Variants in PDE9A observed in about 807,000 individuals in gnomAD.
PDE9A encodes phosphodiesterase 9A.
Under a neutral mutation model 87.4 loss-of-function variants are expected in PDE9A, and 60 were observed. The observed-to-expected ratio is 0.69, with a 90% CI of 0.56 to 0.85. The LOEUF (loss-of-function observed/expected upper bound fraction) is 0.85, where lower values mean the gene tolerates loss of function less well. Among genes scored for constraint, PDE9A ranks in the 40% least tolerant of loss-of-function variants. PDE9A has a pLI of 0.00. For synonymous variants in PDE9A, 272 were observed against 279.4 expected (o/e 0.97, Z 0.27); for missense variants, 665 against 779.0 (o/e 0.85, Z 1.74).
At chr21:42,697,017 A>C (rs1405422490) in intron 3 of PDE9A, among the ~76,000 whole-genome samples, 1 of 152,184 alleles carries the variant, frequency 6.6e-6, no homozygotes, top group Non-Finnish European at 1.5e-5. Flanking sequence ...AGGCCTTTTG[A>C]GGCAGGGCCT....
chr21:42,665,957 A>T lies in PDE9A; in HGVS notation c.69+12074A>T, dbSNP rs571552621. On this transcript the variant is annotated intron_variant, in intron 1 of 19. Coordinates refer to ENST00000291539, the MANE Select transcript of PDE9A (RefSeq NM_002606.3). ...GAGGCCCCGTTGAAGTCAGTTGGGG[A>T]GGCAGTGTGGACCGTGAGAAGGGAG... Among the ~76,000 whole-genome samples the T allele has an allele frequency of 2.6e-5, 4 of 152,272 alleles. No homozygotes were observed. The South Asian group carries it at 8.3e-4, about 32-fold the overall frequency.
chr21:42,679,083 C>T (rs974492760), intron 1 of PDE9A, among the ~76,000 whole-genome samples: 2 of 152,220 alleles, frequency 1.3e-5, no homozygotes, highest in African/African-American at 4.8e-5. Context: ...CCCCAGAGAT[C>T]CAGGTCACGA....
chr21:42,673,394 G>A lies in PDE9A; in HGVS notation c.70-12798G>A, dbSNP rs371504904. On this transcript the variant is annotated intron_variant, in intron 1 of 19. Transcript: ENST00000291539. ...GGAACAGAGCCAGCTAGGAGCATTC[G>A]GTAGCAGAGGTCAGTCCGCTGATTG... Among the ~76,000 whole-genome samples, 7 of 152,118 alleles carry A rather than the reference G, an allele frequency of 4.6e-5. No individual in the cohort carries two copies. In the East Asian group the frequency reaches 7.7e-4, roughly 17 times the overall value.
At chr21:42,670,075 ATACT>A (rs1266749868) in intron 1 of PDE9A, among the ~76,000 whole-genome samples, 54 of 152,122 alleles carry the variant, frequency 3.5e-4, no homozygotes, top group Middle Eastern at 3.4e-3. Flanking sequence ...ACACACTCAC[ATACT>A]TACACACATT....
At position 42,768,490 on chromosome 21, in the gene PDE9A, A is replaced by G. The variant is rs375041343; in HGVS notation, c.1461+198A>G. 239 of 1,224,846 alleles carry G rather than the reference A, an allele frequency of 2.0e-4. No homozygotes were observed. In the African/African-American group the frequency reaches 3.4e-3, roughly 18 times the overall value. The allele number at this position is 1,224,846 out of a possible 1,614,324, so 75.9% of individuals were successfully genotyped here. On this transcript the variant is annotated intron_variant, in intron 16 of 19. Coordinates refer to ENST00000291539, the MANE Select transcript of PDE9A (RefSeq NM_002606.3). ...AATTTGAGACCTGAAAGACAGTAAC[A>G]ATCCAGAAAAGCTAATACTCTAAAA...
intron 3 of PDE9A, among the ~76,000 whole-genome samples, chr21:42,688,357 T>A (rs1169739723): frequency 6.6e-6 from 1 of 152,118 alleles, no homozygotes; most frequent in East Asian, 1.9e-4. Flanking sequence ...ACAGAGCCCC[T>A]GGGGACATTT....
intron 1 of PDE9A, among the ~76,000 whole-genome samples, chr21:42,661,636 G>T (rs374150149): frequency 2.6e-5 from 4 of 152,130 alleles, no homozygotes; most frequent in African/African-American, 9.7e-5. Context: ...CATTCAAAAC[G>T]GATGAATCGA....
intron 7 of PDE9A, among the ~76,000 whole-genome samples, chr21:42,736,068 T>C (rs1421927837): frequency 1.3e-5 from 2 of 151,952 alleles, no homozygotes; most frequent in African/African-American, 2.4e-5. Context: ...GGGCAGCAGG[T>C]GCCTCCCACC....
intron 1 of PDE9A, among the ~76,000 whole-genome samples, chr21:42,668,088 C>A (rs374710432): frequency 1.3e-5 from 2 of 152,258 alleles, no homozygotes; most frequent in East Asian, 3.9e-4. Context: ...ATGGTTTCCT[C>A]TAAATCTTTT....
intron 13 of PDE9A, 93 bp from the exon 14 acceptor site, chr21:42,761,990 A>G (rs1297095720): frequency 1.5e-6 from 2 of 1,294,148 alleles, no homozygotes; most frequent in Non-Finnish European, 2.2e-6. Flanking sequence ...TCCTGACTCT[A>G]CTTGCTCCAC....
At chr21:42,703,565 A>G (rs2146368378) in intron 4 of PDE9A, among the ~76,000 whole-genome samples, 2 of 152,310 alleles carry the variant, frequency 1.3e-5, no homozygotes, top group East Asian at 3.9e-4. Flanking sequence ...CTGGGAGCAG[A>G]GGAAAGAGGG....
intron 4 of PDE9A, among the ~76,000 whole-genome samples, chr21:42,717,166 A>G (rs1244835705): frequency 1.3e-5 from 2 of 150,698 alleles, no homozygotes; most frequent in African/African-American, 2.4e-5. Flanking sequence ...TGATGTTTTT[A>G]TTTCTTCTCA....
At chr21:42,715,398 A>C (rs2049805368) in intron 4 of PDE9A, among the ~76,000 whole-genome samples, 1 of 152,126 alleles carries the variant, frequency 6.6e-6, no homozygotes, top group Admixed American at 6.6e-5. Context: ...AGGCCAAGGC[A>C]GGCAGATCAC....
At chr21:42,775,006 A>G (rs377302149) in intron 19 of PDE9A, among the ~76,000 whole-genome samples, 37 of 149,582 alleles carry the variant, frequency 2.5e-4, no homozygotes, top group African/African-American at 8.6e-4. Flanking sequence ...CAGTGGTGCA[A>G]TCTCGGCTCA....
intron 4 of PDE9A, among the ~76,000 whole-genome samples, chr21:42,726,592 CCATATATATATATATATATATA>C (rs2051067993): frequency 2.7e-5 from 2 of 74,238 alleles, no homozygotes; most frequent in African/African-American, 1.4e-4. Flanking sequence ...CCACGCCTGG[CCATATATATATATATATATATA>C]TATATATATA....
chr21:42,699,760 T>C (rs1374803217), intron 4 of PDE9A, among the ~76,000 whole-genome samples: 1 of 152,084 alleles, frequency 6.6e-6, no homozygotes, highest in Non-Finnish European at 1.5e-5. Flanking sequence ...GATTTTGCCA[T>C]GTTAGCCAGG....
intron 19 of PDE9A, 63 bp from the exon 20 acceptor site, chr21:42,775,217 G>C (rs925495490): frequency 2.6e-6 from 4 of 1,554,658 alleles, no homozygotes; most frequent in Non-Finnish European, 1.8e-6. Flanking sequence ...TGGGATTAAA[G>C]GTGTGAGCCA....
At chr21:42,766,694 A>C (rs1044506980) in intron 15 of PDE9A, among the ~76,000 whole-genome samples, 2 of 152,170 alleles carry the variant, frequency 1.3e-5, no homozygotes, top group African/African-American at 4.8e-5. Flanking sequence ...CCCCTTCCCT[A>C]AGAGGGAAAC....
At position 42,659,479 on chromosome 21, in the gene PDE9A, C is replaced by T. The variant is rs1230724805; in HGVS notation, c.69+5596C>T. On this transcript the variant is annotated intron_variant, in intron 1 of 19. Coordinates refer to ENST00000291539, the MANE Select transcript of PDE9A (RefSeq NM_002606.3). This position sits in a 1 kb window ranked among gnomAD's most constrained non-coding sequence, Gnocchi z 4.1. ...CTTTCTCCCCAGGGAAGTGGAGGCT[C>T]ACTGTGCAGTCCACGCGGAGCAATG... Among the ~76,000 whole-genome samples, 3 of 152,208 alleles carry T rather than the reference C, an allele frequency of 2.0e-5. No individual in the cohort carries two copies. Among genetic ancestry groups the T allele is most frequent in the Admixed American group, 6.5e-5 (1 of 15,276 alleles).
Sources: allele counts gnomAD v4.1 joint callset (sites outside exome capture counted in the v4.1 genomes callset), GRCh38; gene constraint gnomAD v4.1.1; non-coding constraint Gnocchi (gnomAD v3.1); transcripts MANE v1.5; gene names NCBI Gene and HGNC (gene_info 2026-07-23, HGNC 2026-07-21).